Variants in RNF4 observed in about 807,000 individuals in gnomAD.
The protein encoded by RNF4 is E3 ubiquitin-protein ligase RNF4.
RNF4 carries 7 observed loss-of-function variants against 24.3 expected under a neutral mutation model. That is an observed-to-expected ratio of 0.29 (90% CI 0.16 to 0.54). The LOEUF (loss-of-function observed/expected upper bound fraction) is 0.54. Among genes scored for constraint, RNF4 ranks in the 20% least tolerant of loss-of-function variants. The pLI, the probability that RNF4 is intolerant of heterozygous loss-of-function variation, is 0.95. For synonymous variants in RNF4, 83 were observed against 84.3 expected (o/e 0.98, Z 0.09); for missense variants, 209 against 248.5 (o/e 0.84, Z 1.07).
At position 2,512,632 on chromosome 4, in the gene RNF4, C is replaced by A. The variant is rs201590250; in HGVS notation, c.374+35C>A. ...TGCCCCCAGCTCTGCTGCCGCCATG[C>A]TAGGATGTGGGGCCAGGGCATGGGA... On this transcript the variant is annotated intron_variant, in intron 6 of 7. Coordinates refer to ENST00000314289, the MANE Select transcript of RNF4 (RefSeq NM_002938.5). This position sits in a 1 kb window ranked among gnomAD's most constrained non-coding sequence, Gnocchi z 4.1. 1.1e-4 allele frequency: 173 copies of A among 1,609,336 alleles called. No individual in the cohort carries two copies. The highest frequency in any genetic ancestry group is 1.4e-4 in the Non-Finnish European group (163 of 1,177,370).
At chr4:2,475,495 T>C (rs1473355417) in intron 1 of RNF4, among the ~76,000 whole-genome samples, 1 of 152,080 alleles carries the variant, frequency 6.6e-6, no homozygotes, top group Non-Finnish European at 1.5e-5. Flanking sequence ...CGTGCCACCA[T>C]GCCCAGCTAA....
At chr4:2,478,512 C>T (rs867051346) in intron 1 of RNF4, among the ~76,000 whole-genome samples, 2 of 152,228 alleles carry the variant, frequency 1.3e-5, no homozygotes, top group Non-Finnish European at 2.9e-5. Context: ...CTGCTGTGTG[C>T]AGCCTAGGGG....
intron 1 of RNF4, chr4:2,469,758 G>A (rs1388264845): frequency 6.6e-6 from 1 of 152,256 alleles, no homozygotes; most frequent in Non-Finnish European, 1.5e-5. Context: ...CTGAGTACGG[G>A]TGCGGGCCTG....
intron 4 of RNF4, among the ~76,000 whole-genome samples, chr4:2,504,159 G>C (rs1735997781): frequency 6.6e-6 from 1 of 152,208 alleles, no homozygotes; most frequent in Non-Finnish European, 1.5e-5. Flanking sequence ...GAAAAATGCG[G>C]TAAGATGCAG....
intron 2 of RNF4, among the ~76,000 whole-genome samples, chr4:2,491,901 TTTTTAAGA>T (rs1249366145): frequency 1.3e-5 from 2 of 151,222 alleles, no homozygotes; most frequent in East Asian, 3.9e-4. Flanking sequence ...ACCTGGCCAA[TTTTTAAGA>T]AAAAATTGGC....
intron 4 of RNF4, among the ~76,000 whole-genome samples, chr4:2,503,826 C>A (rs1320162481): frequency 6.6e-6 from 1 of 152,176 alleles, no homozygotes; most frequent in Non-Finnish European, 1.5e-5. Flanking sequence ...ACCAGTTCCG[C>A]CAGGACCTGT....
chr4:2,500,812 T>C, intron 4 of RNF4, 74 bp downstream of exon 4: 1 of 1,411,170 alleles, frequency 7.1e-7, no homozygotes, highest in South Asian at 1.2e-5. Flanking sequence ...CTGACAGCCT[T>C]GGTCACAGAC....
intron 1 of RNF4, among the ~76,000 whole-genome samples, chr4:2,488,661 ACT>A (rs1735488377): frequency 1.3e-5 from 2 of 151,988 alleles, no homozygotes; most frequent in African/African-American, 2.4e-5. Context: ...TGTTCCAAAC[ACT>A]CTCTTGTAAT....
chr4:2,513,296 G>A (rs990352579), intron 7 of RNF4, among the ~76,000 whole-genome samples, 165 bp downstream of exon 7: 1 of 152,304 alleles, frequency 6.6e-6, no homozygotes, highest in Non-Finnish European at 1.5e-5. Context: ...GAATGTGCCA[G>A]TTTCTCCTTG....
chr4:2,477,300 C>G (rs1281968794), intron 1 of RNF4, among the ~76,000 whole-genome samples: 1 of 151,894 alleles, frequency 6.6e-6, no homozygotes, highest in Non-Finnish European at 1.5e-5. Flanking sequence ...AGATCTGATG[C>G]TTTAGGTCGG....
At chr4:2,484,518 T>C (rs747558157) in intron 1 of RNF4, among the ~76,000 whole-genome samples, 56 of 152,030 alleles carry the variant, frequency 3.7e-4, no homozygotes, top group African/African-American at 1.2e-3. Context: ...TTTCAACTTA[T>C]GATTTATTGG....
At position 2,500,899 on chromosome 4, in the gene RNF4, A is replaced by G. The variant is rs1191726988; in HGVS notation, c.204+161A>G. The G allele has an allele frequency of 6.3e-6, 4 of 638,024 alleles. No individual in the cohort carries two copies. The African/African-American group carries it at 7.4e-5, about 12-fold the overall frequency. 39.5% of individuals were successfully genotyped at this position (638,024 alleles called of 1,614,324 possible). A position where few individuals can be genotyped will look rare whatever the true frequency, so the allele number is the denominator to read the frequency against. On this transcript the variant is annotated intron_variant, in intron 4 of 7. Coordinates refer to ENST00000314289, the MANE Select transcript of RNF4 (RefSeq NM_002938.5). ...TTGAGCTTTTAGAAAGAAAATAAAC[A>G]GTAACAATAATAATAACAAAGAAGT... is the stretch of plus-strand genomic sequence containing the variant.
intron 1 of RNF4, among the ~76,000 whole-genome samples, chr4:2,476,886 A>AT (rs1735095076): frequency 6.6e-6 from 1 of 150,966 alleles, no homozygotes; most frequent in Non-Finnish European, 1.5e-5. Context: ...GGTTCAAGTG[A>AT]TTCACCTGTC....
chr4:2,512,462 C>G lies in RNF4; in HGVS notation c.239C>G (p.Ala80Gly). 2 of 1,612,506 alleles carry G rather than the reference C, an allele frequency of 1.2e-6. No individual in the cohort carries two copies. Among genetic ancestry groups the G allele is most frequent in the Non-Finnish European group, 1.7e-6 (2 of 1,179,228 alleles). ...VDERRRPRRN[A>G]RRLPQDHADS... ...GAAAGAAGAAGACCAAGGAGGAATG[C>G]TAGGAGGCTGCCCCAGGACCATGCT... Residue 80 changes from alanine (A) to glycine (G), a missense_variant, in exon 6 of 8, where the codon GCT (alanine) becomes GGT (glycine). Around this residue, in one of 3 missense-constraint regions of RNF4, gnomAD observed 182 missense variants for 197.2 expected, o/e 0.92. Transcript: ENST00000314289. The surrounding 1 kb of genome is among the most constrained non-coding windows in gnomAD (Gnocchi z 4.1).
chr4:2,474,373 C>A (rs553360113), intron 1 of RNF4, among the ~76,000 whole-genome samples: 87 of 128,750 alleles, frequency 6.8e-4, no homozygotes, highest in African/African-American at 2.8e-3. Context: ...CAGAACGAGA[C>A]TCTGTCTCAA....
Position 2,512,466 on chromosome 4 carries a change from G to A in RNF4, c.243G>A (p.Arg81=). Residue 81 remains arginine, a synonymous_variant, in exon 6 of 8, where the codon AGG becomes AGA. Transcript: ENST00000314289. The surrounding 1 kb of genome is among the most constrained non-coding windows in gnomAD (Gnocchi z 4.1). ...GAAGAAGACCAAGGAGGAATGCTAG[G>A]AGGCTGCCCCAGGACCATGCTGACA... ...DERRRPRRNA[R]RLPQDHADSC... is the part of the protein sequence containing the mutation. 1.9e-6 allele frequency: 3 copies of A among 1,613,192 alleles called. No individual in the cohort carries two copies. Among genetic ancestry groups the A allele is most frequent in the Non-Finnish European group, 2.5e-6 (3 of 1,179,508 alleles).
chr4:2,508,369 C>G (rs1460145285), intron 4 of RNF4, among the ~76,000 whole-genome samples: 1 of 152,168 alleles, frequency 6.6e-6, no homozygotes, highest in African/African-American at 2.4e-5. Flanking sequence ...CCCTCTGCAC[C>G]TATCTTCTGT....
chr4:2,481,847 A>G (rs1382398512), intron 1 of RNF4, among the ~76,000 whole-genome samples: 1 of 152,152 alleles, frequency 6.6e-6, no homozygotes, highest in Non-Finnish European at 1.5e-5. Context: ...AGCTGGGACT[A>G]CAGTCGTACA....
rs1014719762 is a variant in RNF4 at position 2,512,886 on chromosome 4, T to C, written c.375-197T>C. 6.6e-6 allele frequency among the ~76,000 whole-genome samples: 1 copy of C among 152,100 alleles called. No individual in the cohort carries two copies. The highest frequency in any genetic ancestry group is 2.4e-5 in the African/African-American group (1 of 41,404). Reference sequence around the variant, plus strand: ...GGAGGGCAGGGTGACTCAGGTTGTGTGCACCTTCTCATGTTCACCCTCCCA... The same window carrying C: ...GGAGGGCAGGGTGACTCAGGTTGTGCGCACCTTCTCATGTTCACCCTCCCA... On this transcript the variant is annotated intron_variant, in intron 6 of 7. Transcript: ENST00000314289. The surrounding 1 kb of genome is among the most constrained non-coding windows in gnomAD (Gnocchi z 4.1).
Sources: allele counts gnomAD v4.1 joint callset (sites outside exome capture counted in the v4.1 genomes callset), GRCh38; gene constraint gnomAD v4.1.1; regional missense constraint gnomAD v4.1.1; non-coding constraint Gnocchi (gnomAD v3.1); transcripts MANE v1.5; gene names NCBI Gene and HGNC (gene_info 2026-07-23, HGNC 2026-07-21).